The following NNT variants were observed in gnomAD, a reference collection of about 807,000 sequenced individuals.
NNT encodes the protein nicotinamide nucleotide transhydrogenase.
A neutral mutation model predicts 104.8 loss-of-function variants in NNT; 50 were observed. The observed-to-expected ratio is 0.48, with a 90% CI of 0.38 to 0.60. NNT has a LOEUF of 0.60. Among genes scored for constraint, NNT ranks in the 20% least tolerant of loss-of-function variants. NNT has a pLI of 0.00. For missense variants in NNT, 1,131 were observed against 1,330.7 expected (o/e 0.85, Z 2.33); for synonymous variants, 461 against 490.4 (o/e 0.94, Z 0.79).
chr5:43,656,132 C>A, intron 15 of NNT, 59 bp downstream of exon 15: 1 of 1,418,544 alleles, frequency 7.0e-7, no homozygotes, highest in Non-Finnish European at 9.9e-7. Context: ...TTTAGGGATC[C>A]ATTTTAATTT....
chr5:43,668,231 C>A (rs1181856990), intron 17 of NNT, among the ~76,000 whole-genome samples: 2 of 130,698 alleles, frequency 1.5e-5, no homozygotes, highest in Non-Finnish European at 3.2e-5. Flanking sequence ...GTTGCCTATT[C>A]ACTCTGATGG....
intron 14 of NNT, among the ~76,000 whole-genome samples, chr5:43,654,333 T>C (rs1739927410): frequency 6.6e-6 from 1 of 152,214 alleles, no homozygotes; most frequent in Non-Finnish European, 1.5e-5. Flanking sequence ...GAGAAAGTGA[T>C]GGAGAAAATG....
In NNT at chr5:43,651,804, A is replaced by C; in HGVS notation, c.1783A>C (p.Asn595His). ...GCGTCCCACTGACCCCCCAGAATAC[A>C]ACTACCTGTACCTGCTCCCTGCCGG... ...FKRPTDPPEYNYLYLLPAGTF... is the reference protein window; with the variant it reads ...FKRPTDPPEYHYLYLLPAGTF... The change falls in exon 13 of 22, where the codon AAC (asparagine) becomes CAC (histidine). Residue 595 changes from asparagine (N) to histidine (H), a missense_variant. Asn to His is a moderately conservative substitution (Grantham distance 68). Coordinates refer to ENST00000344920, the MANE Select transcript of NNT (RefSeq NM_182977.3). 6.2e-7 allele frequency: 1 copy of C among 1,614,146 alleles called. No individual in the cohort carries two copies. The highest frequency in any genetic ancestry group is 8.5e-7 in the Non-Finnish European group (1 of 1,180,010).
chr5:43,661,192 G>A (rs998940348), intron 17 of NNT, among the ~76,000 whole-genome samples: 5 of 152,148 alleles, frequency 3.3e-5, no homozygotes, highest in African/African-American at 4.8e-5. Flanking sequence ...TATTTGAAAA[G>A]TGTCAGGCTT....
At chr5:43,672,955 T>G (rs1336730206) in intron 17 of NNT, among the ~76,000 whole-genome samples, 1 of 152,190 alleles carries the variant, frequency 6.6e-6, no homozygotes, top group Non-Finnish European at 1.5e-5. Context: ...CCCAGCTGCT[T>G]TATTTACCTA....
At chr5:43,642,039 T>A (rs1751265973) in intron 7 of NNT, among the ~76,000 whole-genome samples, 2 of 152,206 alleles carry the variant, frequency 1.3e-5, no homozygotes, top group African/African-American at 4.8e-5. Flanking sequence ...GATCCTTAGC[T>A]ATGGATGTCT....
chr5:43,673,134 G>T (rs189572929), intron 17 of NNT, among the ~76,000 whole-genome samples: 1 of 152,230 alleles, frequency 6.6e-6, no homozygotes, highest in Non-Finnish European at 1.5e-5. Flanking sequence ...TTGGAAAAGC[G>T]CAGTAGTATT....
At chr5:43,689,375 G>C (rs1303515059) in intron 19 of NNT, among the ~76,000 whole-genome samples, 2 of 152,140 alleles carry the variant, frequency 1.3e-5, no homozygotes, top group Admixed American at 1.3e-4. Context: ...TATTTTTGCT[G>C]TGCAGAAGCT....
intron 6 of NNT, among the ~76,000 whole-genome samples, chr5:43,624,475 AGTTGG>A (rs1423898848): frequency 6.6e-6 from 1 of 152,244 alleles, no homozygotes; most frequent in African/African-American, 2.4e-5. Flanking sequence ...TAGCAGGCTG[AGTTGG>A]GGGCATGCCC....
At chr5:43,615,131 G>A (rs1046053323) in intron 3 of NNT, among the ~76,000 whole-genome samples, 1 of 151,550 alleles carries the variant, frequency 6.6e-6, no homozygotes, top group African/African-American at 2.4e-5. Flanking sequence ...GCGACAGAGC[G>A]AGACTCCGTC....
chr5:43,660,411 ATAAT>A (rs1332471071), intron 17 of NNT, among the ~76,000 whole-genome samples: 1 of 151,902 alleles, frequency 6.6e-6, no homozygotes, highest in African/African-American at 2.4e-5. Flanking sequence ...TGCAAATATT[ATAAT>A]TAAAGGTTTG....
At chr5:43,609,632 C>A (rs898368952) in intron 2 of NNT, among the ~76,000 whole-genome samples, 1 of 152,196 alleles carries the variant, frequency 6.6e-6, no homozygotes, top group African/African-American at 2.4e-5. Context: ...AACCATTTCT[C>A]CTAGAAGCCC....
chr5:43,672,200 A>T (rs958506436), intron 17 of NNT, among the ~76,000 whole-genome samples: 15 of 152,162 alleles, frequency 9.9e-5, no homozygotes, highest in African/African-American at 2.9e-4. Context: ...TATTTTTTCA[A>T]GGTTTTTAGC....
At chr5:43,697,131 T>A (rs1742597856) in intron 19 of NNT, among the ~76,000 whole-genome samples, 1 of 152,208 alleles carries the variant, frequency 6.6e-6, no homozygotes, top group South Asian at 2.1e-4. Context: ...TGCTCTGTTT[T>A]CTTTCTAAAA....
At chr5:43,679,395 A>G (rs958572222) in intron 19 of NNT, among the ~76,000 whole-genome samples, 2 of 152,188 alleles carry the variant, frequency 1.3e-5, no homozygotes, top group Non-Finnish European at 2.9e-5. Flanking sequence ...AGGGAAGGGA[A>G]GGATTAATTT....
intron 19 of NNT, among the ~76,000 whole-genome samples, chr5:43,698,740 C>G (rs1742691347): frequency 6.6e-6 from 1 of 151,874 alleles, no homozygotes; most frequent in African/African-American, 2.4e-5. Context: ...AAAAGTTGCA[C>G]TTTCTAAGAA....
At chr5:43,697,228 C>T (rs907235241) in intron 19 of NNT, among the ~76,000 whole-genome samples, 1 of 152,196 alleles carries the variant, frequency 6.6e-6, no homozygotes, top group African/African-American at 2.4e-5. Context: ...AATCATCTCA[C>T]TCAAGTTCAA....
intron 16 of NNT, among the ~76,000 whole-genome samples, chr5:43,658,561 T>TGG (rs538263044): frequency 3.9e-5 from 6 of 152,096 alleles, no homozygotes; most frequent in African/African-American, 1.4e-4. Context: ...TGGTGGGTGG[T>TGG]GGGGGGCAGC....
At chr5:43,640,401 G>A (rs550809366) in intron 7 of NNT, among the ~76,000 whole-genome samples, 1 of 152,172 alleles carries the variant, frequency 6.6e-6, no homozygotes, top group East Asian at 1.9e-4. Context: ...TAGAAGGGAG[G>A]GCAGGTGACT....
Sources: gnomAD v4.1 joint callset for allele counts (sites outside exome capture counted in the v4.1 genomes callset) on GRCh38, gnomAD v4.1.1 for gene constraint, MANE v1.5 for transcripts, NCBI Gene and HGNC (gene_info 2026-07-23, HGNC 2026-07-21) for gene names.